MYO19: variants seen among roughly 807,000 people sequenced by gnomAD.
MYO19 encodes the protein unconventional myosin-XIX.
Under a neutral mutation model 129.2 loss-of-function variants are expected in MYO19, and 132 were observed. That is an observed-to-expected ratio of 1.02 (90% confidence interval 0.89 to 1.18). The LOEUF (loss-of-function observed/expected upper bound fraction) is 1.18, where lower values mean the gene tolerates loss of function less well. MYO19 is among the 50% of genes most tolerant of loss of function. The pLI, the probability that MYO19 is intolerant of heterozygous loss-of-function variation, is 0.00. For synonymous variants in MYO19, 531 were observed against 477.2 expected (o/e 1.11, Z -1.47); for missense variants, 1,210 against 1,216.7 (o/e 0.99, Z 0.08).
intron 25 of MYO19, 31 bp downstream of exon 25, chr17:36,498,235 A>C: frequency 6.3e-7 from 1 of 1,590,972 alleles, no homozygotes; most frequent in Non-Finnish European, 8.6e-7. Flanking sequence ...TCTCAGGAAC[A>C]AAGCTGTCAT....
chr17:36,539,924 G>A (rs1409060083), upstream of MYO19, among the ~76,000 whole-genome samples: 1 of 151,640 alleles, frequency 6.6e-6, no homozygotes, highest in African/African-American at 2.4e-5. Flanking sequence ...CTGATTAGTG[G>A]GATGAGGAGT....
intron 25 of MYO19, 22 bp downstream of exon 25, chr17:36,498,244 A>C (rs1187439370): frequency 6.3e-7 from 1 of 1,597,704 alleles, no homozygotes; most frequent in South Asian, 1.1e-5. Context: ...CAAAGCTGTC[A>C]TGGCCATCAC....
In MYO19 at chr17:36,510,708, G is replaced by A. The variant is rs370683638; in HGVS notation, c.1157+38C>T. On this transcript the variant is annotated intron_variant, in intron 13 of 25. Transcript: ENST00000614623. Reference sequence around the variant, plus strand: ...ACCCCGGACAGGAAGAGCACTTGTCGGGGTCCTCCCCAACAAGGGGCCAGA... The same window carrying A: ...ACCCCGGACAGGAAGAGCACTTGTCAGGGTCCTCCCCAACAAGGGGCCAGA... 8.1e-5 allele frequency: 125 copies of A among 1,551,150 alleles called. 1 individual carries two copies. In the African/African-American group the frequency reaches 1.1e-3, roughly 14 times the overall value.
At chr17:36,502,794 T>A in intron 21 of MYO19, 1 of 437,796 alleles carries the variant, frequency 2.3e-6, no homozygotes, top group South Asian at 2.8e-5. Context: ...TTGTTCAGAT[T>A]ACATTTATCA....
intron 23 of MYO19, 155 bp downstream of exon 23, chr17:36,500,675 G>A (rs2071453672): frequency 2.8e-6 from 3 of 1,063,100 alleles, no homozygotes; most frequent in East Asian, 5.2e-5. Flanking sequence ...TATGAGTGAG[G>A]GGGACAGGGA....
rs745758814 is a variant in MYO19 at position 36,496,414 on chromosome 17, G to GGAGA, written c.2758-12_2758-9dup. The GGAGA allele has an allele frequency of 6.2e-7, 1 of 1,613,614 alleles. No individual in the cohort carries two copies. Among genetic ancestry groups the GGAGA allele is most frequent in the African/African-American group, 1.3e-5 (1 of 74,902 alleles). ...GTGAAACTTTATCGATCCCTAGAGG[G>GGAGA]GAGAGAGAGATGCAGCTTTAGCACT... On this transcript the variant is annotated splice_polypyrimidine_tract_variant and intron_variant, in intron 25 of 25. Transcript: ENST00000614623.
rs557645306 is a variant in MYO19 at position 36,498,743 on chromosome 17, CTG to C, written c.2464-186_2464-185del. 57 of 644,372 alleles carry C rather than the reference CTG, an allele frequency of 8.8e-5. No individual in the cohort carries two copies. In the African/African-American group the frequency reaches 9.8e-4, roughly 11 times the overall value. The allele number at this position is 644,372 out of a possible 1,614,324, so 39.9% of individuals were successfully genotyped here. A position where few individuals can be genotyped will look rare whatever the true frequency, so the allele number is the denominator to read the frequency against. On this transcript the variant is annotated intron_variant, in intron 24 of 25. Coordinates refer to ENST00000614623, the MANE Select transcript of MYO19 (RefSeq NM_001163735.2). Reference sequence around the variant, plus strand: ...CCACAAGTCTATACACCCCAGGCAACTGTGCTTAGGCCTTACATATGCTACTT... The same window carrying C: ...CCACAAGTCTATACACCCCAGGCAACTGCTTAGGCCTTACATATGCTACTT...
intron 11 of MYO19, chr17:36,512,612 T>G: frequency 7.8e-7 from 1 of 1,284,540 alleles, no homozygotes; most frequent in Non-Finnish European, 1.0e-6. Context: ...GTTGTCCACT[T>G]ATCCTGGGCT....
chr17:36,503,053 T>G, intron 21 of MYO19, 44 bp downstream of exon 21: 1 of 1,510,754 alleles, frequency 6.6e-7, no homozygotes, highest in South Asian at 1.1e-5. Context: ...AGATGCTCAG[T>G]AAACTGTGGT....
chr17:36,525,009 G>A (rs2073374786), intron 6 of MYO19, among the ~76,000 whole-genome samples: 1 of 152,206 alleles, frequency 6.6e-6, no homozygotes. Context: ...TTCACCCAGG[G>A]TGATGGCAGA....
intron 12 of MYO19, 121 bp downstream of exon 12, chr17:36,511,244 G>T: frequency 9.6e-7 from 1 of 1,046,138 alleles, no homozygotes; most frequent in South Asian, 1.4e-5. Context: ...CAGGCCCTAT[G>T]GTGGGTGGCA....
intron 6 of MYO19, among the ~76,000 whole-genome samples, chr17:36,518,993 T>TA (rs974601313): frequency 5.3e-5 from 8 of 152,320 alleles, no homozygotes; most frequent in South Asian, 2.1e-4. Flanking sequence ...TTTTTGTTTT[T>TA]AGACAGAGTC....
Position 36,500,812 on chromosome 17 carries a change from G to GGTC in MYO19, c.2377+17_2377+18insGAC, listed in dbSNP as rs1369302770. On this transcript the variant is annotated intron_variant, in intron 23 of 25. Coordinates refer to ENST00000614623, the MANE Select transcript of MYO19 (RefSeq NM_001163735.2). ...GTGGGGTCTGTGAGCAGTGCTGACA[G>GGTC]GTGACCTGCCCACCTACCTGCCTGG... The GGTC allele has an allele frequency of 7.5e-6, 12 of 1,594,962 alleles. No individual in the cohort carries two copies. The highest frequency in any genetic ancestry group is 1.0e-5 in the Non-Finnish European group (12 of 1,175,314).
At position 36,495,924 on chromosome 17, in the gene MYO19, A is replaced by C; in HGVS notation, c.*327T>G. On this transcript the variant is annotated 3_prime_UTR_variant, in exon 26 of 26. Transcript: ENST00000614623. ...TGGCTGTTTTCTTCCAAAAGTGCTTATGTGGAATTGGGATCCCCAGTGTAG... is the reference window on the plus strand; with the variant it reads ...TGGCTGTTTTCTTCCAAAAGTGCTTCTGTGGAATTGGGATCCCCAGTGTAG... 1.8e-6 allele frequency: 2 copies of C among 1,130,762 alleles called. No individual in the cohort carries two copies. Among genetic ancestry groups the C allele is most frequent in the Non-Finnish European group, 2.2e-6 (2 of 893,968 alleles). The allele number at this position is 1,130,762 out of a possible 1,614,324, so 70.0% of individuals were successfully genotyped here. A position where few individuals can be genotyped will look rare whatever the true frequency, so the allele number is the denominator to read the frequency against.
intron 18 of MYO19, 38 bp downstream of exon 18, chr17:36,506,416 AGT>A: frequency 6.2e-7 from 1 of 1,603,916 alleles, no homozygotes; most frequent in Non-Finnish European, 8.5e-7. Flanking sequence ...GAGACCGTGG[AGT>A]TTGAACCAAG....
intron 6 of MYO19, among the ~76,000 whole-genome samples, chr17:36,524,830 T>C (rs996269935): frequency 5.9e-5 from 9 of 152,184 alleles, no homozygotes; most frequent in Non-Finnish European, 1.0e-4. Context: ...TCCCTTCCAT[T>C]TTACAAGTGG....
In MYO19 at chr17:36,496,386, G is replaced by T; in HGVS notation, c.2778C>A (p.Cys926Ter). 1 of 1,614,020 alleles carries T rather than the reference G, an allele frequency of 6.2e-7. No individual in the cohort carries two copies. The highest frequency in any genetic ancestry group is 8.5e-7 in the Non-Finnish European group (1 of 1,179,898). Residue 926 changes from cysteine (C) to a stop codon, truncating the protein, a stop_gained, in exon 26 of 26, where the codon TGC becomes TGA. Transcript: ENST00000614623. LOFTEE classifies it high-confidence loss of function. The stretch of plus-strand genomic sequence containing the variant: ...CAGCATACCGCAGTGGAGACTTTCT[G>T]CAGTGAAACTTTATCGATCCCTAGA... ...ALPQGSIKFH[C>*]RKSPLRYADI...
rs2072280636 is a variant in MYO19, at chr17:36,510,928, C to T, written c.986-11G>A. 6.4e-7 allele frequency: 1 copy of T among 1,562,814 alleles called. No individual in the cohort carries two copies. Among genetic ancestry groups the T allele is most frequent in the South Asian group, 1.2e-5 (1 of 84,762 alleles). ...CCGTCCTGACAGAGTCTGGGAGGGG[C>T]AAATCCTCTTTAGGCAAATCACTCT... On this transcript the variant is annotated splice_polypyrimidine_tract_variant and intron_variant, in intron 12 of 25. Transcript: ENST00000614623.
intron 6 of MYO19, among the ~76,000 whole-genome samples, chr17:36,516,458 C>T (rs1444688225): frequency 7.9e-5 from 12 of 152,076 alleles, no homozygotes; most frequent in Non-Finnish European, 5.9e-5. Context: ...GCAACCTCTG[C>T]CTCCTGAGTT....
Sources: gnomAD v4.1 joint callset for allele counts (sites outside exome capture counted in the v4.1 genomes callset) on GRCh38, gnomAD v4.1.1 for gene constraint, MANE v1.5 for transcripts, NCBI Gene and HGNC (gene_info 2026-07-23, HGNC 2026-07-21) for gene names.